IL1RAPL1: variants seen among roughly 807,000 people sequenced by gnomAD.
IL1RAPL1 encodes the protein interleukin 1 receptor accessory protein like 1, also known as interleukin-1 receptor accessory protein-like 1.
Under a neutral mutation model 48.4 loss-of-function variants are expected in IL1RAPL1, and 3 were observed. The observed-to-expected ratio is 0.06, with a 90% CI of 0.03 to 0.16. The LOEUF (loss-of-function observed/expected upper bound fraction) is 0.16. Ranked by LOEUF, IL1RAPL1 falls within the 10% of genes least tolerant of loss-of-function variation. The pLI is 1.00. For missense variants in IL1RAPL1, 349 were observed against 530.6 expected (o/e 0.66, Z 3.36); for synonymous variants, 185 against 187.7 (o/e 0.99, Z 0.12).
rs72625529 is a variant in IL1RAPL1, at chrX:29,285,015, G to A, written c.362+1798G>A. On this transcript the variant is annotated intron_variant, in intron 3 of 10. Coordinates refer to ENST00000378993, the MANE Select transcript of IL1RAPL1 (RefSeq NM_014271.4). Reference sequence around the variant, plus strand: ...TTATTTCTGATTGTTCATGCATGTCGTAAGGTGATTCTTCAAGATAGGCAA... The same window carrying A: ...TTATTTCTGATTGTTCATGCATGTCATAAGGTGATTCTTCAAGATAGGCAA... Among the ~76,000 whole-genome samples, 98 of 111,515 alleles carry A rather than the reference G, an allele frequency of 8.8e-4. 2 individuals are homozygous for A. The East Asian group carries it at 0.021, about 24-fold the overall frequency.
intron 6 of IL1RAPL1, among the ~76,000 whole-genome samples, chrX:29,738,338 A>G (rs894383130): frequency 8.9e-6 from 1 of 111,861 alleles, no homozygotes; most frequent in Non-Finnish European, 1.9e-5. Flanking sequence ...CCATCAGGAA[A>G]GCCTGAGGTA....
At chrX:29,385,324 C>T in intron 3 of IL1RAPL1, among the ~76,000 whole-genome samples, 1 of 112,221 alleles carries the variant, frequency 8.9e-6, no homozygotes, top group Non-Finnish European at 1.9e-5. Flanking sequence ...CATGGTGGCA[C>T]ATGCCTGTAA....
intron 2 of IL1RAPL1, among the ~76,000 whole-genome samples, chrX:28,809,506 C>T (rs1423958269): frequency 9.1e-6 from 1 of 110,005 alleles, no homozygotes; most frequent in East Asian, 2.9e-4. Flanking sequence ...ATAGTGAGTA[C>T]CAAAGATATG....
chrX:28,819,555 T>C (rs1936907381), intron 2 of IL1RAPL1, among the ~76,000 whole-genome samples: 1 of 110,984 alleles, frequency 9.0e-6, no homozygotes, highest in Admixed American at 9.7e-5. Context: ...ACACATATTG[T>C]TATGAAGTCT....
chrX:29,746,506 A>G (rs1184413468), intron 6 of IL1RAPL1, among the ~76,000 whole-genome samples: 1 of 112,386 alleles, frequency 8.9e-6, no homozygotes, highest in Admixed American at 9.4e-5. Flanking sequence ...ATTACCAAAA[A>G]ATATTCCTGG....
At chrX:29,254,164 T>G (rs1481084493) in intron 2 of IL1RAPL1, among the ~76,000 whole-genome samples, 1 of 110,935 alleles carries the variant, frequency 9.0e-6, no homozygotes, top group East Asian at 2.8e-4. Context: ...ATTCAACAAC[T>G]GAAAAAGCAA....
At chrX:28,994,957 T>C (rs2147384232) in intron 2 of IL1RAPL1, among the ~76,000 whole-genome samples, 1 of 111,776 alleles carries the variant, frequency 8.9e-6, no homozygotes, top group African/African-American at 3.2e-5. Flanking sequence ...TTCTAGTTCA[T>C]GTTATTATGT....
intron 5 of IL1RAPL1, among the ~76,000 whole-genome samples, chrX:29,552,576 A>T (rs1921851617): frequency 9.0e-6 from 1 of 111,412 alleles, no homozygotes; most frequent in African/African-American, 3.3e-5. Flanking sequence ...GTGGCATTAG[A>T]TACATTCACA....
At chrX:29,769,198 ATTATT>A (rs1200348015) in intron 6 of IL1RAPL1, among the ~76,000 whole-genome samples, 2 of 111,069 alleles carry the variant, frequency 1.8e-5, no homozygotes, top group East Asian at 5.6e-4. Context: ...CATTGTAGGA[ATTATT>A]TTATTTCTTT....
At chrX:28,889,252 C>T (rs747495206) in intron 2 of IL1RAPL1, among the ~76,000 whole-genome samples, 1 of 111,190 alleles carries the variant, frequency 9.0e-6, no homozygotes, top group South Asian at 3.7e-4. Flanking sequence ...TTTGCATTTG[C>T]ATAAAGAGCA....
rs149991365 is a variant in IL1RAPL1 at position 29,545,106 on chromosome X, A to T, written c.704-123324A>T. Among the ~76,000 whole-genome samples the T allele has an allele frequency of 5.5e-4, 61 of 110,239 alleles. No homozygotes were observed. In the East Asian group the frequency reaches 0.017, roughly 30 times the overall value. On this transcript the variant is annotated intron_variant, in intron 5 of 10. Coordinates refer to ENST00000378993, the MANE Select transcript of IL1RAPL1 (RefSeq NM_014271.4). ...TGATATTGGACTCCTAGCCTCCAGA[A>T]CTATGAGAAATTTCCATTGCTTAAG...
At chrX:29,266,394 A>G (rs891852226) in intron 2 of IL1RAPL1, among the ~76,000 whole-genome samples, 2 of 111,986 alleles carry the variant, frequency 1.8e-5, no homozygotes, top group African/African-American at 6.5e-5. Context: ...CAATTGTGCG[A>G]GAAGGAGTCA....
chrX:29,654,971 A>T (rs1925632875), intron 5 of IL1RAPL1, among the ~76,000 whole-genome samples: 1 of 111,846 alleles, frequency 8.9e-6, no homozygotes, highest in African/African-American at 3.3e-5. Flanking sequence ...ATGCTTATTA[A>T]AATTCACTTT....
chrX:28,831,026 C>CTGTGTG lies in IL1RAPL1; in HGVS notation c.82+41647_82+41652dup, dbSNP rs57923954. Among the ~76,000 whole-genome samples, 67 of 33,644 alleles carry CTGTGTG rather than the reference C, an allele frequency of 2.0e-3. 3 individuals carry two copies. Among genetic ancestry groups the CTGTGTG allele is most frequent in the Non-Finnish European group, 2.9e-3 (58 of 20,251 alleles). The allele number at this position is 33,644 out of a possible 115,157, so 29.2% of individuals were successfully genotyped here. A position where few individuals can be genotyped will look rare whatever the true frequency, so the allele number is the denominator to read the frequency against. ...TCTCTCTCTCTCTCTCTCTCTCTCT[C>CTGTGTG]TGTGTGTGTGTGTGTGTGTGTGTGT... is the stretch of plus-strand genomic sequence containing the variant. On this transcript the variant is annotated intron_variant, in intron 2 of 10. Transcript: ENST00000378993.
intron 1 of IL1RAPL1, among the ~76,000 whole-genome samples, chrX:28,736,391 G>C (rs1192196141): frequency 9.5e-6 from 1 of 105,737 alleles, no homozygotes; most frequent in Non-Finnish European, 1.9e-5. Context: ...CCGAGGTTGT[G>C]CCATTGTATT....
intron 2 of IL1RAPL1, among the ~76,000 whole-genome samples, chrX:29,227,797 G>A (rs1931110061): frequency 9.0e-6 from 1 of 110,783 alleles, no homozygotes; most frequent in South Asian, 3.8e-4. Flanking sequence ...TATAATAATA[G>A]CTAAAACCCA....
At chrX:28,832,840 TAG>T (rs1921102292) in intron 2 of IL1RAPL1, among the ~76,000 whole-genome samples, 2 of 100,101 alleles carry the variant, frequency 2.0e-5, no homozygotes. Context: ...TTTTTTTTTT[TAG>T]ATTCAGGGGG....
chrX:29,165,329 T>C (rs1297242325), intron 2 of IL1RAPL1, among the ~76,000 whole-genome samples: 2 of 111,271 alleles, frequency 1.8e-5, no homozygotes, highest in African/African-American at 6.5e-5. Context: ...CAAAACAGAA[T>C]AAAGTAAAAT....
At chrX:29,122,256 G>T (rs953425486) in intron 2 of IL1RAPL1, among the ~76,000 whole-genome samples, 6 of 111,273 alleles carry the variant, frequency 5.4e-5, no homozygotes, top group African/African-American at 2.0e-4. Flanking sequence ...TAAGAGCAAT[G>T]TGCATCACAT....
Sources: allele counts gnomAD v4.1 joint callset (sites outside exome capture counted in the v4.1 genomes callset), GRCh38; gene constraint gnomAD v4.1.1; transcripts MANE v1.5; gene names NCBI Gene and HGNC (gene_info 2026-07-23, HGNC 2026-07-21).